Variants in VPS41 observed in about 807,000 individuals in gnomAD.
The protein encoded by VPS41 is vacuolar protein sorting-associated protein 41 homolog.
In VPS41, 85 loss-of-function variants were observed where a neutral mutation model predicts 130.9. That is an observed-to-expected ratio of 0.65 (90% CI 0.55 to 0.78). The LOEUF (loss-of-function observed/expected upper bound fraction) is 0.78. Ranked by LOEUF, VPS41 falls within the 30% of genes least tolerant of loss-of-function variation. The probability of loss-of-function intolerance (pLI) is 0.00; values close to 1 mark genes in which losing one functional copy is unlikely to be tolerated. For synonymous variants in VPS41, 335 were observed against 332.9 expected (o/e 1.01, Z -0.07); for missense variants, 874 against 1,018.7 (o/e 0.86, Z 1.93).
intron 10 of VPS41, among the ~76,000 whole-genome samples, chr7:38,787,220 C>T (rs1198669179): frequency 1.3e-5 from 2 of 152,018 alleles, no homozygotes; most frequent in Non-Finnish European, 2.9e-5. Flanking sequence ...AAGTCAACTA[C>T]CCCTGGCAGA....
intron 4 of VPS41, among the ~76,000 whole-genome samples, chr7:38,856,062 G>C (rs764504982): frequency 3.3e-5 from 5 of 152,254 alleles, no homozygotes; most frequent in South Asian, 2.1e-4. Flanking sequence ...CGGCAGGAAG[G>C]GGGAGGAAGG....
intron 6 of VPS41, among the ~76,000 whole-genome samples, chr7:38,818,726 C>A (rs1785109936): frequency 6.6e-6 from 1 of 152,148 alleles, no homozygotes; most frequent in South Asian, 2.1e-4. Flanking sequence ...ATGAAATCAC[C>A]AACTTAACTA....
chr7:38,835,753 G>A (rs1178257212), intron 4 of VPS41, among the ~76,000 whole-genome samples: 1 of 151,344 alleles, frequency 6.6e-6, no homozygotes, highest in African/African-American at 2.4e-5. Context: ...TTAAAAACAA[G>A]TTTCAAAAAC....
At chr7:38,755,608 G>C (rs150736916) in intron 19 of VPS41, among the ~76,000 whole-genome samples, 4 of 152,280 alleles carry the variant, frequency 2.6e-5, no homozygotes, top group Non-Finnish European at 4.4e-5. Flanking sequence ...CGACCTAGCT[G>C]TCTGCTCCAA....
chr7:38,735,947 G>A (rs935161553), intron 25 of VPS41, among the ~76,000 whole-genome samples: 4 of 152,056 alleles, frequency 2.6e-5, no homozygotes, highest in Non-Finnish European at 5.9e-5. Flanking sequence ...TCAAGGGATG[G>A]ACAATTTGTC....
chr7:38,764,887 A>G (rs1784001993), intron 16 of VPS41, among the ~76,000 whole-genome samples: 1 of 152,158 alleles, frequency 6.6e-6, no homozygotes, highest in African/African-American at 2.4e-5. Context: ...ATTAAAGTAA[A>G]CAGGGAGGCA....
At chr7:38,778,066 C>T (rs1369925289) in intron 10 of VPS41, among the ~76,000 whole-genome samples, 2 of 152,034 alleles carry the variant, frequency 1.3e-5, no homozygotes, top group Non-Finnish European at 1.5e-5. Flanking sequence ...TTGTGGATGA[C>T]CAAAAAGATG....
chr7:38,882,867 TC>T (rs796097577), intron 2 of VPS41, among the ~76,000 whole-genome samples: 6 of 152,268 alleles, frequency 3.9e-5, no homozygotes, highest in African/African-American at 1.4e-4. Context: ...CTACTTATCC[TC>T]CTTAGACATT....
At chr7:38,902,722 C>T (rs1787171746) in intron 1 of VPS41, among the ~76,000 whole-genome samples, 1 of 152,136 alleles carries the variant, frequency 6.6e-6, no homozygotes, top group Admixed American at 6.5e-5. Flanking sequence ...GGCCCCTGGC[C>T]CCATCCTGCA....
intron 2 of VPS41, among the ~76,000 whole-genome samples, chr7:38,875,901 A>G (rs1786481781): frequency 6.6e-6 from 1 of 152,262 alleles, no homozygotes; most frequent in African/African-American, 2.4e-5. Context: ...TTAGGAGCTG[A>G]TAAATGTAAT....
chr7:38,805,425 C>T lies in VPS41; in HGVS notation c.451-8561G>A, dbSNP rs185276798. Among the ~76,000 whole-genome samples the T allele has an allele frequency of 1.1e-4, 17 of 152,030 alleles. No individual in the cohort carries two copies. In the East Asian group the frequency reaches 2.7e-3, roughly 24 times the overall value. On this transcript the variant is annotated intron_variant, in intron 7 of 28. Coordinates refer to ENST00000310301, the MANE Select transcript of VPS41 (RefSeq NM_014396.4). ...GTGCACGCCTGTAGTCCCAGCTACT[C>T]GGGAGGCTGAGGCAGAAGAATCACT...
intron 2 of VPS41, among the ~76,000 whole-genome samples, chr7:38,875,807 A>T (rs975441113): frequency 3.9e-5 from 6 of 152,250 alleles, no homozygotes; most frequent in Non-Finnish European, 8.8e-5. Context: ...TCTTATATGA[A>T]TGCAAAAAAT....
chr7:38,821,026 C>A (rs954433918), intron 6 of VPS41, among the ~76,000 whole-genome samples, 177 bp downstream of exon 6: 6 of 152,060 alleles, frequency 3.9e-5, no homozygotes, highest in Non-Finnish European at 7.4e-5. Flanking sequence ...ATCACAGTCA[C>A]AAAATACACA....
intron 4 of VPS41, among the ~76,000 whole-genome samples, chr7:38,833,269 A>G (rs1182446662): frequency 6.6e-6 from 1 of 152,202 alleles, no homozygotes; most frequent in Admixed American, 6.5e-5. Context: ...TAACTCTACT[A>G]GAAATCTATT....
At chr7:38,891,596 G>C (rs1786868164) in intron 2 of VPS41, among the ~76,000 whole-genome samples, 2 of 152,150 alleles carry the variant, frequency 1.3e-5, no homozygotes, top group African/African-American at 2.4e-5. Flanking sequence ...TGTCTGCAAA[G>C]CTTTTAAATA....
chr7:38,744,532 G>C (rs1374693421), intron 23 of VPS41, among the ~76,000 whole-genome samples: 1 of 152,156 alleles, frequency 6.6e-6, no homozygotes, highest in Admixed American at 6.5e-5. Flanking sequence ...GGATTATCAA[G>C]TTTTTATAAA....
chr7:38,783,484 A>T (rs930358325), intron 10 of VPS41, among the ~76,000 whole-genome samples: 5 of 152,136 alleles, frequency 3.3e-5, no homozygotes, highest in African/African-American at 1.2e-4. Flanking sequence ...CAGTGAGCCG[A>T]GATTGTGCCA....
intron 12 of VPS41, among the ~76,000 whole-genome samples, chr7:38,773,890 C>G (rs781433526): frequency 6.6e-6 from 1 of 152,142 alleles, no homozygotes; most frequent in Non-Finnish European, 1.5e-5. Context: ...CAATCCTCCC[C>G]CGGGTCCTGG....
At chr7:38,766,166 A>G (rs1267964542) in intron 15 of VPS41, among the ~76,000 whole-genome samples, 1 of 152,236 alleles carries the variant, frequency 6.6e-6, no homozygotes, top group African/African-American at 2.4e-5. Context: ...CACATCAAAG[A>G]AACACATTTT....
Sources: allele counts gnomAD v4.1 joint callset (sites outside exome capture counted in the v4.1 genomes callset), GRCh38; gene constraint gnomAD v4.1.1; transcripts MANE v1.5; gene names NCBI Gene and HGNC (gene_info 2026-07-23, HGNC 2026-07-21).